The following PRPF38A variants were observed in gnomAD, a reference collection of about 807,000 sequenced individuals.
PRPF38A encodes the protein pre-mRNA-splicing factor 38A.
Under a neutral mutation model 46.8 loss-of-function variants are expected in PRPF38A, and 11 were observed. The ratio of observed to expected loss-of-function variants is 0.24; its 90% CI spans 0.15 to 0.39. PRPF38A has a LOEUF of 0.39. PRPF38A is among the 10% of genes least tolerant of loss of function. The pLI, the probability that PRPF38A is intolerant of heterozygous loss-of-function variation, is 1.00. For missense variants in PRPF38A, 261 were observed against 407.5 expected (o/e 0.64, Z 3.10); for synonymous variants, 124 against 136.2 (o/e 0.91, Z 0.62).
At chr1:52,407,492 A>G (rs1432757803) in intron 2 of PRPF38A, among the ~76,000 whole-genome samples, 3 of 152,282 alleles carry the variant, frequency 2.0e-5, no homozygotes, top group Admixed American at 6.5e-5. Flanking sequence ...TGATTTGACC[A>G]GTAGTGTCAC....
At chr1:52,409,746 G>A (rs1482941411) in intron 3 of PRPF38A, 1 of 152,162 alleles carries the variant, frequency 6.6e-6, no homozygotes, top group Non-Finnish European at 1.5e-5. Context: ...ACATGGTCAT[G>A]GCCATGATGG....
At chr1:52,416,010 T>A (rs1029577175) in intron 9 of PRPF38A, among the ~76,000 whole-genome samples, 1 of 151,344 alleles carries the variant, frequency 6.6e-6, no homozygotes, top group Non-Finnish European at 1.5e-5. Context: ...CCTTGGCTAA[T>A]TTTTTATATT....
intron 1 of PRPF38A, 28 bp downstream of exon 1, chr1:52,404,907 C>T (rs1368255711): frequency 1.6e-5 from 25 of 1,611,102 alleles, no homozygotes; most frequent in Non-Finnish European, 2.0e-5. Flanking sequence ...GAGCGCCTCT[C>T]AGCCCCCTTG....
At chr1:52,413,848 C>A in intron 5 of PRPF38A, 31 bp from the exon 6 acceptor site, 3 of 1,402,338 alleles carry the variant, frequency 2.1e-6, no homozygotes, top group Non-Finnish European at 3.0e-6. Context: ...TAAGCCTGTG[C>A]CTTTCAATGA....
chr1:52,408,498 T>A (rs909382788), intron 2 of PRPF38A, 71 bp from the exon 3 acceptor site: 6 of 1,601,948 alleles, frequency 3.7e-6, no homozygotes, highest in Non-Finnish European at 4.3e-6. Flanking sequence ...ACTACTGTCA[T>A]GAGAACAGCT....
chr1:52,408,722 T>C, intron 3 of PRPF38A, 32 bp downstream of exon 3: 3 of 1,608,566 alleles, frequency 1.9e-6, no homozygotes, highest in Non-Finnish European at 2.6e-6. Context: ...CTGATTGTCA[T>C]TTTTAAGCCA....
intron 3 of PRPF38A, 146 bp from the exon 4 acceptor site, chr1:52,410,969 T>C: frequency 3.3e-6 from 2 of 604,864 alleles, no homozygotes; most frequent in Non-Finnish European, 5.8e-6. Context: ...CTCCTGCTAA[T>C]TGGGACATCT....
chr1:52,420,790 C>T lies in PRPF38A; in HGVS notation c.*4100C>T, dbSNP rs1214930839. 1 of 152,100 alleles carries T rather than the reference C, an allele frequency of 6.6e-6. No individual in the cohort carries two copies. Among genetic ancestry groups the T allele is most frequent in the Non-Finnish European group, 1.5e-5 (1 of 68,002 alleles). The allele number at this position is 152,100 out of a possible 1,614,324, so 9.4% of individuals were successfully genotyped here. A position where few individuals can be genotyped will look rare whatever the true frequency, so the allele number is the denominator to read the frequency against. On this transcript the variant is annotated 3_prime_UTR_variant, in exon 10 of 10. Coordinates refer to ENST00000257181, the MANE Select transcript of PRPF38A (RefSeq NM_032864.4). Reference sequence around the variant, plus strand: ...TTAAACTTTGTACTTTTATATAATGCTTATTTTCTTTTTACAATAAACATG... The same window carrying T: ...TTAAACTTTGTACTTTTATATAATGTTTATTTTCTTTTTACAATAAACATG...
rs753966016 is a variant in PRPF38A at position 52,416,780 on chromosome 1, T to A, written c.*90T>A. 1.0e-6 allele frequency: 1 copy of A among 998,806 alleles called. No homozygotes were observed. The highest frequency in any genetic ancestry group is 1.6e-6 in the Non-Finnish European group (1 of 633,618). The allele number at this position is 998,806 out of a possible 1,614,324, so 61.9% of individuals were successfully genotyped here. A position where few individuals can be genotyped will look rare whatever the true frequency, so the allele number is the denominator to read the frequency against. On this transcript the variant is annotated 3_prime_UTR_variant, in exon 10 of 10. Transcript: ENST00000257181. ...GATTAAGATCTCCCCCAGGCAGCTATAAGAATATTTTAGTTTTTTTCTTAT... is the reference window on the plus strand; with the variant it reads ...GATTAAGATCTCCCCCAGGCAGCTAAAAGAATATTTTAGTTTTTTTCTTAT...
At chr1:52,414,721 T>C (rs763485506) in intron 7 of PRPF38A, 41 bp from the exon 8 acceptor site, 4 of 1,613,624 alleles carry the variant, frequency 2.5e-6, no homozygotes, top group African/African-American at 2.7e-5. Flanking sequence ...TATATGTATA[T>C]TGCTAACCAG....
chr1:52,411,521 C>T (rs539817758), intron 4 of PRPF38A, among the ~76,000 whole-genome samples: 59 of 152,170 alleles, frequency 3.9e-4, no homozygotes, highest in Non-Finnish European at 6.8e-4. Flanking sequence ...ACCTGTCTAT[C>T]ATGAAAAAAG....
Position 52,412,628 on chromosome 1 carries a change from T to A in PRPF38A, c.609+4T>A, listed in dbSNP as rs4319263. On this transcript the variant is annotated splice_donor_region_variant and intron_variant, in intron 5 of 9. Transcript: ENST00000257181. ...GGAAGAAGAGGAGGATGAGAAGGTC[T>A]GGCACCTGAGACTTTTATGGTTGTA... is the stretch of plus-strand genomic sequence containing the variant. 393,478 of 1,580,996 alleles carry A rather than the reference T, an allele frequency of 0.25. 58,305 individuals carry two copies. The highest frequency in any genetic ancestry group is 0.71 in the African/African-American group (52,888 of 74,268).
chr1:52,413,410 A>T (rs757630604), intron 5 of PRPF38A, among the ~76,000 whole-genome samples: 1 of 151,466 alleles, frequency 6.6e-6, no homozygotes, highest in East Asian at 1.9e-4. Flanking sequence ...CAGGAAGCAA[A>T]CTTTTTTTTT....
At chr1:52,414,150 A>C (rs1648226983) in intron 6 of PRPF38A, among the ~76,000 whole-genome samples, 159 bp downstream of exon 6, 1 of 152,262 alleles carries the variant, frequency 6.6e-6, no homozygotes, top group Non-Finnish European at 1.5e-5. Flanking sequence ...CCTCATTGGC[A>C]GACAACAATA....
chr1:52,408,887 C>T, intron 3 of PRPF38A, 197 bp downstream of exon 3: 1 of 514,966 alleles, frequency 1.9e-6, no homozygotes, highest in East Asian at 3.4e-5. Flanking sequence ...CTTACCCAGC[C>T]TGCCTCTGTC....
In PRPF38A at chr1:52,420,137, G is replaced by A. The variant is rs936205721; in HGVS notation, c.*3447G>A. On this transcript the variant is annotated 3_prime_UTR_variant, in exon 10 of 10. Transcript: ENST00000257181. ...TCCAAAGGTTTGAGAAAAAGTGCCA[G>A]GAATTTTATACTTTGCCAAAGTTGT... The A allele has an allele frequency of 6.6e-6, 1 of 152,214 alleles. No homozygotes were observed. Among genetic ancestry groups the A allele is most frequent in the Admixed American group, 6.5e-5 (1 of 15,282 alleles). 9.4% of individuals were successfully genotyped at this position (152,214 alleles called of 1,614,324 possible). A position where few individuals can be genotyped will look rare whatever the true frequency, so the allele number is the denominator to read the frequency against.
At chr1:52,407,023 C>G (rs114994543) in intron 2 of PRPF38A, among the ~76,000 whole-genome samples, 2,038 of 151,946 alleles carry the variant, frequency 0.013, 47 homozygotes, top group African/African-American at 0.047. Flanking sequence ...AGGAACAACT[C>G]TTTTTTTTGT....
intron 8 of PRPF38A, 55 bp from the exon 9 acceptor site, chr1:52,415,283 C>A: frequency 6.4e-7 from 1 of 1,560,324 alleles, no homozygotes; most frequent in South Asian, 1.1e-5. Flanking sequence ...GTGAGAATGA[C>A]AGTTTAATAA....
At chr1:52,410,628 A>T (rs1358334867) in intron 3 of PRPF38A, among the ~76,000 whole-genome samples, 1 of 151,426 alleles carries the variant, frequency 6.6e-6, no homozygotes. Context: ...CAGCCTCTTG[A>T]GTAGCTGGGA....
Sources: gnomAD v4.1 joint callset for allele counts (sites outside exome capture counted in the v4.1 genomes callset) on GRCh38, gnomAD v4.1.1 for gene constraint, MANE v1.5 for transcripts, NCBI Gene and HGNC (gene_info 2026-07-23, HGNC 2026-07-21) for gene names.